Variants in PISD observed in about 807,000 individuals in gnomAD.
PISD encodes the protein phosphatidylserine decarboxylase.
A neutral mutation model predicts 43.5 loss-of-function variants in PISD; 31 were observed. That is an observed-to-expected ratio of 0.71 (90% CI 0.54 to 0.96). The LOEUF (loss-of-function observed/expected upper bound fraction) is 0.96, where lower values mean the gene tolerates loss of function less well. Ranked by LOEUF, PISD falls within the 40% of genes least tolerant of loss-of-function variation. The pLI is 0.00. For synonymous variants in PISD, 259 were observed against 228.7 expected, an observed-to-expected ratio of 1.13 and a Z score of -1.20; for missense variants, 523 against 548.4, an observed-to-expected ratio of 0.95 and a Z score of 0.46.
chr22:31,629,027 G>T, intron 3 of PISD: 1 of 985,398 alleles, frequency 1.0e-6, no homozygotes. Flanking sequence ...AGGGGGTAGG[G>T]GAACACCTTT....
At chr22:31,627,496 T>G (rs1043733608) in intron 3 of PISD, among the ~76,000 whole-genome samples, 1 of 152,102 alleles carries the variant, frequency 6.6e-6, no homozygotes, top group Admixed American at 6.6e-5. Context: ...CATGCTGGCC[T>G]CCTGCCATCT....
chr22:31,625,893 C>T (rs1190907982), intron 3 of PISD: 23 of 1,545,364 alleles, frequency 1.5e-5, no homozygotes, highest in Admixed American at 1.2e-4. Flanking sequence ...TTCCCCCGAG[C>T]CAGCAGATCT....
chr22:31,656,384 C>T (rs115544747), intron 1 of PISD, among the ~76,000 whole-genome samples: 6,934 of 151,078 alleles, frequency 0.046, 176 homozygotes, highest in African/African-American at 0.068. Context: ...TGGTGGCTGA[C>T]GCCTATGAGA....
Position 31,621,675 on chromosome 22 carries a change from G to C in PISD, c.532C>G (p.Arg178Gly). ...ACGCTGTGCAGGCCACAGACAGGCC[G>C]GGCCTGCGGCTTCAGCTTGCGCCGG... ...FFRRKLKPQA[R>G]PVCGLHSVIS... is the part of the protein sequence containing the mutation. Residue 178 changes from arginine to glycine, a missense_variant, in exon 4 of 8, where the codon CGG becomes GGG. Coordinates refer to ENST00000439502, the MANE Select transcript of PISD (RefSeq NM_001326411.2). 1 of 1,613,774 alleles carries C rather than the reference G, an allele frequency of 6.2e-7. No homozygotes were observed.
chr22:31,622,044 T>C (rs1225398046), intron 3 of PISD, among the ~76,000 whole-genome samples, 159 bp from the exon 4 acceptor site: 2 of 150,980 alleles, frequency 1.3e-5, no homozygotes, highest in East Asian at 3.9e-4. Context: ...GATGTGGCTG[T>C]TTCTCACTGG....
chr22:31,661,905 C>G (rs2074329579), intron 1 of PISD, among the ~76,000 whole-genome samples: 1 of 152,166 alleles, frequency 6.6e-6, no homozygotes, highest in African/African-American at 2.4e-5. Flanking sequence ...TTTTGTCCCT[C>G]GTGAACTTCC....
At chr22:31,628,042 T>C (rs1045597434) in intron 3 of PISD, 197 of 985,370 alleles carry the variant, frequency 2.0e-4, no homozygotes, top group Non-Finnish European at 2.3e-4. Flanking sequence ...TCCTTGCCCA[T>C]TTAGATCCTT....
chr22:31,629,070 G>C, intron 3 of PISD: 5 of 985,518 alleles, frequency 5.1e-6, no homozygotes, highest in Non-Finnish European at 6.0e-6. Flanking sequence ...ATCCATACCA[G>C]AGCAGTAAGG....
At chr22:31,637,530 C>T (rs960687370) in intron 3 of PISD, among the ~76,000 whole-genome samples, 1 of 152,020 alleles carries the variant, frequency 6.6e-6, no homozygotes, top group East Asian at 1.9e-4. Context: ...CACCAGCTCG[C>T]GGCAGCCACA....
rs543265158 is a variant in PISD, at chr22:31,618,753, G to T, written c.*859C>A. 2.2e-3 allele frequency: 484 copies of T among 222,626 alleles called. 2 individuals are homozygous for T. Among genetic ancestry groups the T allele is most frequent in the Middle Eastern group, 7.5e-3 (5 of 670 alleles). The allele number at this position is 222,626 out of a possible 1,614,324, so 13.8% of individuals were successfully genotyped here. On this transcript the variant is annotated 3_prime_UTR_variant, in exon 8 of 8. Transcript: ENST00000439502. ...AGGCACTGACCAACTATCCACCAAG[G>T]GTCCTCTGCCTCCAAGACAGACCCT...
chr22:31,655,582 G>T (rs556731003), intron 1 of PISD, among the ~76,000 whole-genome samples: 16 of 152,178 alleles, frequency 1.1e-4, no homozygotes, highest in Non-Finnish European at 1.8e-4. Context: ...GCCTCCCAAA[G>T]TTCTGGGATT....
intron 3 of PISD, chr22:31,627,911 G>A (rs1229517829): frequency 5.6e-6 from 3 of 534,536 alleles, no homozygotes; most frequent in Non-Finnish European, 7.2e-6. Context: ...CAAGGCACAT[G>A]AGGCCAGGGG....
chr22:31,654,541 C>T (rs1445720923), intron 1 of PISD, among the ~76,000 whole-genome samples: 2 of 152,162 alleles, frequency 1.3e-5, no homozygotes, highest in Non-Finnish European at 2.9e-5. Flanking sequence ...CTTCAATCTG[C>T]TCCTGCCCGA....
chr22:31,656,482 C>G (rs2074180245), intron 1 of PISD, among the ~76,000 whole-genome samples: 1 of 151,962 alleles, frequency 6.6e-6, no homozygotes, highest in Admixed American at 6.6e-5. Flanking sequence ...AACTCCATCT[C>G]TACTAAAAAT....
In PISD at chr22:31,619,454, G is replaced by A. The variant is rs758846093; in HGVS notation, c.*158C>T. 6 of 699,750 alleles carry A rather than the reference G, an allele frequency of 8.6e-6. No individual in the cohort carries two copies. Among genetic ancestry groups the A allele is most frequent in the South Asian group, 1.5e-5 (1 of 66,786 alleles). 43.3% of individuals were successfully genotyped at this position (699,750 alleles called of 1,614,324 possible). A position where few individuals can be genotyped will look rare whatever the true frequency, so the allele number is the denominator to read the frequency against. ...TCGCCACCTCTTGTCTGCACCTCTGGAACAGGTGGTAGCCGAATCATTCAA... is the reference window on the plus strand; with the variant it reads ...TCGCCACCTCTTGTCTGCACCTCTGAAACAGGTGGTAGCCGAATCATTCAA... On this transcript the variant is annotated 3_prime_UTR_variant, in exon 8 of 8. Transcript: ENST00000439502.
At chr22:31,660,772 C>A (rs2147829198) in intron 1 of PISD, among the ~76,000 whole-genome samples, 1 of 152,240 alleles carries the variant, frequency 6.6e-6, no homozygotes, top group Non-Finnish European at 1.5e-5. Flanking sequence ...CTCACTCTGT[C>A]GCCCAGGCTG....
At chr22:31,621,564 C>T in intron 4 of PISD, 85 bp downstream of exon 4, 2 of 1,598,970 alleles carry the variant, frequency 1.3e-6, no homozygotes, top group Non-Finnish European at 1.7e-6. Context: ...CCTGCCCCTT[C>T]CAGATACGCT....
chr22:31,645,859 A>T (rs1188868750), intron 3 of PISD, among the ~76,000 whole-genome samples: 1 of 149,210 alleles, frequency 6.7e-6, no homozygotes, highest in Non-Finnish European at 1.5e-5. Flanking sequence ...TCCATCTAAA[A>T]AAAAAAAAAA....
intron 3 of PISD, among the ~76,000 whole-genome samples, chr22:31,633,732 C>G (rs111927246): frequency 0.011 from 1,653 of 152,136 alleles, 36 homozygotes; most frequent in African/African-American, 0.038. Flanking sequence ...AACAAACAAA[C>G]AAACAAACAA....
Sources: allele counts gnomAD v4.1 joint callset (sites outside exome capture counted in the v4.1 genomes callset), GRCh38; gene constraint gnomAD v4.1.1; transcripts MANE v1.5; gene names NCBI Gene and HGNC (gene_info 2026-07-23, HGNC 2026-07-21).